POLH: variants seen among roughly 807,000 people sequenced by gnomAD.
The protein encoded by POLH is DNA polymerase eta transcript.
In POLH, 53 loss-of-function variants were observed where a neutral mutation model predicts 73.6. The ratio of observed to expected loss-of-function variants is 0.72; its 90% CI spans 0.58 to 0.91. The LOEUF (loss-of-function observed/expected upper bound fraction) is 0.91. POLH is among the 40% of genes least tolerant of loss of function. POLH has a pLI of 0.00. For synonymous variants in POLH, 292 were observed against 308.5 expected (o/e 0.95, Z 0.56); for missense variants, 768 against 865.4 (o/e 0.89, Z 1.41).
intron 6 of POLH, among the ~76,000 whole-genome samples, chr6:43,603,645 G>A (rs559587903): frequency 6.6e-6 from 1 of 152,232 alleles, no homozygotes; most frequent in South Asian, 2.1e-4. Context: ...GACAGCAGGC[G>A]TTGTACAATT....
chr6:43,605,443 C>CTTTTTTTTT (rs540143863), intron 9 of POLH, 124 bp downstream of exon 9: 64 of 296,196 alleles, frequency 2.2e-4, no homozygotes, highest in African/African-American at 6.0e-4. Flanking sequence ...CGTTTTCTTT[C>CTTTTTTTTT]TTTTTTTTTT....
intron 1 of POLH, 54 bp from the exon 2 acceptor site, chr6:43,582,262 C>T (rs968781728): frequency 6.5e-7 from 1 of 1,547,032 alleles, no homozygotes; most frequent in South Asian, 1.1e-5. Context: ...ACAGTTTTCC[C>T]TGGCATTTTG....
At chr6:43,595,071 C>G (rs1224746829) in intron 4 of POLH, among the ~76,000 whole-genome samples, 1 of 152,112 alleles carries the variant, frequency 6.6e-6, no homozygotes, top group Non-Finnish European at 1.5e-5. Flanking sequence ...TGGCATCTGC[C>G]TGTAGTCCTA....
At chr6:43,583,947 G>C (rs1304267830) in intron 3 of POLH, among the ~76,000 whole-genome samples, 1 of 152,138 alleles carries the variant, frequency 6.6e-6, no homozygotes, top group Admixed American at 6.5e-5. Context: ...ATAGGGACCA[G>C]CCTGGGCAAC....
At chr6:43,585,841 T>G (rs1188938306) in intron 3 of POLH, among the ~76,000 whole-genome samples, 1 of 151,564 alleles carries the variant, frequency 6.6e-6, no homozygotes, top group Admixed American at 6.6e-5. Context: ...ATGGGGTTTC[T>G]CCATGTTGGT....
intron 4 of POLH, among the ~76,000 whole-genome samples, chr6:43,589,726 T>C: frequency 6.6e-6 from 1 of 151,528 alleles, no homozygotes; most frequent in East Asian, 1.9e-4. Context: ...TGTGTAATTA[T>C]GGCTCACTGC....
intron 1 of POLH, chr6:43,578,502 G>A: frequency 5.3e-6 from 2 of 376,170 alleles, no homozygotes; most frequent in Non-Finnish European, 5.1e-6. Flanking sequence ...CCTGGCGGGG[G>A]GACAAGAGCG....
At chr6:43,605,672 A>T (rs943316252) in intron 9 of POLH, among the ~76,000 whole-genome samples, 4 of 150,270 alleles carry the variant, frequency 2.7e-5, no homozygotes, top group Admixed American at 6.6e-5. Context: ...CTGGTCTTGA[A>T]CTCCAGCCAA....
chr6:43,580,068 G>A lies in POLH; in HGVS notation c.-4-2248G>A, dbSNP rs567666121. 8.1e-5 allele frequency among the ~76,000 whole-genome samples: 12 copies of A among 149,020 alleles called. No individual in the cohort carries two copies. The East Asian group carries it at 2.2e-3, about 27-fold the overall frequency. On this transcript the variant is annotated intron_variant, in intron 1 of 10. Coordinates refer to ENST00000372236, the MANE Select transcript of POLH (RefSeq NM_006502.3). Reference sequence around the variant, plus strand: ...AGAGGACCCTGCGGCCTTCCGCAGTGTTTGTGTCCCTGATTACTTGAGATC... The same window carrying A: ...AGAGGACCCTGCGGCCTTCCGCAGTATTTGTGTCCCTGATTACTTGAGATC...
intron 1 of POLH, among the ~76,000 whole-genome samples, chr6:43,577,802 C>T (rs185059853): frequency 3.3e-5 from 5 of 152,284 alleles, no homozygotes; most frequent in South Asian, 2.1e-4. Context: ...TAAAAATCCC[C>T]GGCCTGGCGC....
chr6:43,583,155 A>G lies in POLH; in HGVS notation c.272+14A>G, dbSNP rs1281379989. On this transcript the variant is annotated intron_variant, in intron 3 of 10. Coordinates refer to ENST00000372236, the MANE Select transcript of POLH (RefSeq NM_006502.3). Reference sequence around the variant, plus strand: ...TAACCTCACCAAGTAAGAAAAAAACATTATTTAAGGAGACATAAAGGAGTC... The same window carrying G: ...TAACCTCACCAAGTAAGAAAAAAACGTTATTTAAGGAGACATAAAGGAGTC... 9 of 1,612,860 alleles carry G rather than the reference A, an allele frequency of 5.6e-6. No homozygotes were observed. Among genetic ancestry groups the G allele is most frequent in the Admixed American group, 3.3e-5 (2 of 60,004 alleles).
chr6:43,602,219 A>G (rs1435682301), intron 6 of POLH, among the ~76,000 whole-genome samples: 1 of 152,226 alleles, frequency 6.6e-6, no homozygotes, highest in Non-Finnish European at 1.5e-5. Context: ...GCTGAATTTC[A>G]GCTCTCAAAG....
At chr6:43,601,926 C>T (rs1410418441) in intron 6 of POLH, among the ~76,000 whole-genome samples, 2 of 152,044 alleles carry the variant, frequency 1.3e-5, no homozygotes, top group Non-Finnish European at 2.9e-5. Flanking sequence ...AGCGTGGTGG[C>T]GGGTGCCTGT....
Position 43,620,315 on chromosome 6 carries a change from C to G in POLH, c.*5758C>G. 1.9e-6 allele frequency: 1 copy of G among 516,090 alleles called. No individual in the cohort carries two copies. The allele number at this position is 516,090 out of a possible 1,614,324, so 32.0% of individuals were successfully genotyped here. A position where few individuals can be genotyped will look rare whatever the true frequency, so the allele number is the denominator to read the frequency against. On this transcript the variant is annotated 3_prime_UTR_variant, in exon 11 of 11. Coordinates refer to ENST00000372236, the MANE Select transcript of POLH (RefSeq NM_006502.3). ...GAAAATAGGCCACAATACTTGGTTA[C>G]AATACTGGAACTCTGAACCTATGTG...
At chr6:43,591,513 T>A (rs1765457359) in intron 4 of POLH, among the ~76,000 whole-genome samples, 1 of 152,158 alleles carries the variant, frequency 6.6e-6, no homozygotes, top group Non-Finnish European at 1.5e-5. Flanking sequence ...GAGACGGGGT[T>A]TCGCCATGTT....
chr6:43,593,878 C>CAAAAAAAAAAAAA (rs768129925), intron 4 of POLH, among the ~76,000 whole-genome samples: 8 of 85,120 alleles, frequency 9.4e-5, no homozygotes, highest in Non-Finnish European at 1.4e-4. Flanking sequence ...GACTCCGTCT[C>CAAAAAAAAAAAAA]AAAAAAAAAA....
chr6:43,587,414 G>A lies in POLH; in HGVS notation c.415G>A (p.Ala139Thr), dbSNP rs554936509. ...LQKLQGQPIS[A>T]DLLPSTYIEG... ...AAAGCTACAAGGTCAGCCTATCTCG[G>A]CAGACTTGTTGCCAAGCACTTACAT... The change falls in exon 4 of 11, where the codon GCA (alanine) becomes ACA (threonine). Residue 139 changes from alanine (A) to threonine (T), a missense_variant. By Grantham distance (58) the Ala-to-Thr change is moderately conservative. Transcript: ENST00000372236. The A allele has an allele frequency of 6.2e-7, 1 of 1,614,178 alleles. No homozygotes were observed. Among genetic ancestry groups the A allele is most frequent in the Non-Finnish European group, 8.5e-7 (1 of 1,180,006 alleles).
chr6:43,619,364 C>CAAAAA lies in POLH; in HGVS notation c.*4833_*4837dup, dbSNP rs60046548. ...TGGGTGACAGTCTGAGACCCTGTCT[C>CAAAAA]AAAAAAAAAAAAAAAAAAAAAAAAA... On this transcript the variant is annotated 3_prime_UTR_variant, in exon 11 of 11. Transcript: ENST00000372236. Among the ~76,000 whole-genome samples, 18 of 37,082 alleles carry CAAAAA rather than the reference C, an allele frequency of 4.9e-4. No homozygotes were observed. Among genetic ancestry groups the CAAAAA allele is most frequent in the Admixed American group, 7.3e-4 (2 of 2,746 alleles). 24.3% of individuals were successfully genotyped at this position (37,082 alleles called of 152,430 possible).
intron 4 of POLH, among the ~76,000 whole-genome samples, chr6:43,595,082 G>T (rs913057338): frequency 6.6e-6 from 1 of 152,082 alleles, no homozygotes; most frequent in African/African-American, 2.4e-5. Flanking sequence ...TGTAGTCCTA[G>T]CTACTTGGGA....
Sources: gnomAD v4.1 joint callset for allele counts (sites outside exome capture counted in the v4.1 genomes callset) on GRCh38, gnomAD v4.1.1 for gene constraint, MANE v1.5 for transcripts, NCBI Gene and HGNC (gene_info 2026-07-23, HGNC 2026-07-21) for gene names.